The following LPIN1 variants were observed in gnomAD, a reference collection of about 807,000 sequenced individuals.
LPIN1 encodes phosphatidate phosphatase LPIN1.
A neutral mutation model predicts 107.5 loss-of-function variants in LPIN1; 71 were observed. That is an observed-to-expected ratio of 0.66 (90% CI 0.55 to 0.80). The LOEUF is 0.80. LPIN1 is among the 30% of genes least tolerant of loss of function. LPIN1 has a pLI of 0.00. For synonymous variants in LPIN1, 445 were observed against 452.6 expected (o/e 0.98, Z 0.21); for missense variants, 1,043 against 1,160.6 (o/e 0.90, Z 1.47).
chr2:11,796,842 C>T (rs1676810925), intron 14 of LPIN1, among the ~76,000 whole-genome samples: 1 of 152,216 alleles, frequency 6.6e-6, no homozygotes, highest in Non-Finnish European at 1.5e-5. Flanking sequence ...TGGTTGTTTA[C>T]TGCACAAGCT....
At chr2:11,752,051 T>G (rs1558801730) in intron 1 of LPIN1, among the ~76,000 whole-genome samples, 1 of 152,216 alleles carries the variant, frequency 6.6e-6, no homozygotes, top group Admixed American at 6.5e-5. Context: ...CATACAGATA[T>G]TAAGTTATTT....
chr2:11,825,030 T>G lies in LPIN1; in HGVS notation c.*239T>G. ...GGGTGCATTTGTACCGTGAAAAGCA[T>G]TCCTCAGTTGTGGCTTAATGCCAGT... On this transcript the variant is annotated 3_prime_UTR_variant, in exon 21 of 21. Transcript: ENST00000674199. The surrounding 1 kb of genome is among the most constrained non-coding windows in gnomAD (Gnocchi z 4.1). The G allele has an allele frequency of 1.8e-6, 1 of 560,548 alleles. No individual in the cohort carries two copies. Among genetic ancestry groups the G allele is most frequent in the Non-Finnish European group, 3.2e-6 (1 of 312,132 alleles). 34.7% of individuals were successfully genotyped at this position (560,548 alleles called of 1,614,324 possible).
In LPIN1 at chr2:11,704,847, C is replaced by T. The variant is rs181535187; in HGVS notation, c.82-8909C>T. Among the ~76,000 whole-genome samples, 58 of 152,360 alleles carry T rather than the reference C, an allele frequency of 3.8e-4. No homozygotes were observed. The East Asian group carries it at 9.1e-3, about 24-fold the overall frequency. ...TGAATACCTCCAGAGGCCACACACACTTATGTGTCAGATGTCTGGGTGAAC... is the reference window on the plus strand; with the variant it reads ...TGAATACCTCCAGAGGCCACACACATTTATGTGTCAGATGTCTGGGTGAAC... On this transcript the variant is annotated intron_variant, in intron 1 of 21. Coordinates refer to the LPIN1 transcript ENST00000449576.
chr2:11,710,768 G>T (rs962932381), intron 1 of LPIN1, among the ~76,000 whole-genome samples: 1 of 151,994 alleles, frequency 6.6e-6, no homozygotes, highest in Non-Finnish European at 1.5e-5. Context: ...TCAAAGCCAG[G>T]TTCATTTTTG....
intron 20 of LPIN1, chr2:11,823,301 G>A (rs1043064961): frequency 9.9e-5 from 15 of 152,226 alleles, no homozygotes; most frequent in African/African-American, 3.6e-4. Flanking sequence ...AGTGCACCGC[G>A]GCCTTGTAGT....
intron 1 of LPIN1, among the ~76,000 whole-genome samples, chr2:11,763,987 G>GTGTGTGTGTGTA (rs1359205019): frequency 2.3e-5 from 3 of 132,926 alleles, no homozygotes; most frequent in African/African-American, 9.2e-5. Context: ...GTGTGTGTGT[G>GTGTGTGTGTGTA]TATATATATA....
chr2:11,825,061 C>T lies in LPIN1; in HGVS notation c.*270C>T, dbSNP rs557819992. The T allele has an allele frequency of 4.5e-5, 22 of 492,902 alleles. No individual in the cohort carries two copies. The highest frequency in any genetic ancestry group is 9.7e-5 in the African/African-American group (5 of 51,750). The allele number at this position is 492,902 out of a possible 1,614,324, so 30.5% of individuals were successfully genotyped here. A position where few individuals can be genotyped will look rare whatever the true frequency, so the allele number is the denominator to read the frequency against. On this transcript the variant is annotated 3_prime_UTR_variant, in exon 21 of 21. Transcript: ENST00000674199. The surrounding 1 kb of genome is among the most constrained non-coding windows in gnomAD (Gnocchi z 4.1). ...AGTTGTGGCTTAATGCCAGTTACGA[C>T]GCTGCCTTTCCGGCCTGCTCCAGCA...
In LPIN1 at chr2:11,825,363, G is replaced by A. The variant is rs1682238658; in HGVS notation, c.*572G>A. ...CAGGCCTGGCCTCAGACTTGGCCTT[G>A]TGGATGGGCCCCTTACAGTATTTGC... On this transcript the variant is annotated 3_prime_UTR_variant, in exon 21 of 21. Transcript: ENST00000674199. This position sits in a 1 kb window ranked among gnomAD's most constrained non-coding sequence, Gnocchi z 4.1. The A allele has an allele frequency of 6.4e-6, 1 of 155,764 alleles. No individual in the cohort carries two copies. The highest frequency in any genetic ancestry group is 1.4e-5 in the Non-Finnish European group (1 of 70,074). 9.6% of individuals were successfully genotyped at this position (155,764 alleles called of 1,614,324 possible).
At chr2:11,761,229 AG>A (rs1174775084) in intron 1 of LPIN1, among the ~76,000 whole-genome samples, 2 of 152,236 alleles carry the variant, frequency 1.3e-5, no homozygotes, top group Admixed American at 1.3e-4. Context: ...TCAACGTGGA[AG>A]GAATAAGAAG....
chr2:11,725,443 C>A (rs1200125834), intron 1 of LPIN1, among the ~76,000 whole-genome samples: 2 of 152,154 alleles, frequency 1.3e-5, no homozygotes, highest in Non-Finnish European at 2.9e-5. Flanking sequence ...ACAATAGGTA[C>A]CGGAACTTCA....
chr2:11,824,032 T>G (rs1682016045), intron 20 of LPIN1, among the ~76,000 whole-genome samples: 2 of 152,188 alleles, frequency 1.3e-5, no homozygotes, highest in African/African-American at 4.8e-5. Flanking sequence ...TATACATTAT[T>G]TTAATGTTGC....
At position 11,771,290 on chromosome 2, in the gene LPIN1, A is replaced by G; in HGVS notation, c.289-82A>G. 7.1e-7 allele frequency: 1 copy of G among 1,408,194 alleles called. No individual in the cohort carries two copies. Among genetic ancestry groups the G allele is most frequent in the Non-Finnish European group, 1.0e-6 (1 of 996,860 alleles). The allele number at this position is 1,408,194 out of a possible 1,614,324, so 87.2% of individuals were successfully genotyped here. On this transcript the variant is annotated intron_variant, in intron 3 of 20. Transcript: ENST00000674199. The surrounding 1 kb of genome is among the most constrained non-coding windows in gnomAD (Gnocchi z 4.8). ...CAGGAGGTGCTTGGCCTCTGAAGTG[A>G]ATCCTGGAGGCCTCTGGCAAGGCCC...
At chr2:11,713,938 T>C in intron 2 of LPIN1, 1 of 602,168 alleles carries the variant, frequency 1.7e-6, no homozygotes, top group Non-Finnish European at 2.9e-6. Context: ...GCCTATTCCT[T>C]TCCGCTGATG....
At chr2:11,795,554 C>T in intron 14 of LPIN1, 67 bp downstream of exon 14, 10 of 1,379,924 alleles carry the variant, frequency 7.2e-6, no homozygotes, top group Non-Finnish European at 1.0e-5. Context: ...GCGTGTGCTG[C>T]CTGGATGCAG....
In LPIN1 at chr2:11,686,045, C is replaced by G. The variant is rs565350029; in HGVS notation, c.81+8317C>G. ...GGAAACCCCCCAGCTGGTGGGATACCTACATTCTCAACCACACAGCAGCTC... is the reference window on the plus strand; with the variant it reads ...GGAAACCCCCCAGCTGGTGGGATACGTACATTCTCAACCACACAGCAGCTC... On this transcript the variant is annotated intron_variant, in intron 1 of 21. Coordinates refer to the LPIN1 transcript ENST00000449576. Among the ~76,000 whole-genome samples, 43 of 152,320 alleles carry G rather than the reference C, an allele frequency of 2.8e-4. No individual in the cohort carries two copies. In the South Asian group the frequency reaches 7.9e-3, roughly 28 times the overall value.
At chr2:11,748,740 G>T (rs1412831810) in intron 1 of LPIN1, among the ~76,000 whole-genome samples, 1 of 152,186 alleles carries the variant, frequency 6.6e-6, no homozygotes, top group Non-Finnish European at 1.5e-5. Flanking sequence ...AGGCCTAAAA[G>T]GTACCTAAAT....
chr2:11,777,340 G>T (rs1412107354), intron 6 of LPIN1: 1 of 152,206 alleles, frequency 6.6e-6, no homozygotes, highest in Non-Finnish European at 1.5e-5. Context: ...TTGCTGTTGG[G>T]GAGGGACTTG....
At chr2:11,713,921 A>C in intron 2 of LPIN1, 1 of 729,844 alleles carries the variant, frequency 1.4e-6, no homozygotes, top group Non-Finnish European at 2.3e-6. Context: ...TGCAGTCTCC[A>C]AGGCAGGCCT....
At chr2:11,750,030 T>A (rs559245263) in intron 1 of LPIN1, among the ~76,000 whole-genome samples, 1 of 152,244 alleles carries the variant, frequency 6.6e-6, no homozygotes, top group Non-Finnish European at 1.5e-5. Context: ...AGACCCTGCA[T>A]GGGAGACACA....
Sources: gnomAD v4.1 joint callset for allele counts (sites outside exome capture counted in the v4.1 genomes callset) on GRCh38, gnomAD v4.1.1 for gene constraint, Gnocchi (gnomAD v3.1) non-coding constraint, MANE v1.5 for transcripts, NCBI Gene and HGNC (gene_info 2026-07-23, HGNC 2026-07-21) for gene names.